Variants in EPHA6 observed in about 807,000 individuals in gnomAD.
EPHA6 encodes the protein EPH receptor A6, also known as ephrin type-A receptor 6.
EPHA6 carries 50 observed loss-of-function variants against 112.0 expected under a neutral mutation model. That is an observed-to-expected ratio of 0.45 (90% CI 0.36 to 0.56). The LOEUF (loss-of-function observed/expected upper bound fraction) is 0.56. EPHA6 is among the 20% of genes least tolerant of loss of function. The pLI is 0.00. For missense variants in EPHA6, 1,280 were observed against 1,417.4 expected, an observed-to-expected ratio of 0.90 and a Z score of 1.56; for synonymous variants, 529 against 490.7, an observed-to-expected ratio of 1.08 and a Z score of -1.03.
chr3:96,949,260 C>CA (rs2041424117), intron 2 of EPHA6, among the ~76,000 whole-genome samples: 1 of 151,596 alleles, frequency 6.6e-6, no homozygotes. Flanking sequence ...ATCTTAAAAA[C>CA]AAAAAATATT....
intron 3 of EPHA6, among the ~76,000 whole-genome samples, chr3:97,087,621 C>A (rs1277978693): frequency 2.0e-5 from 3 of 152,090 alleles, no homozygotes; most frequent in Non-Finnish European, 4.4e-5. Context: ...TAATGTAGAG[C>A]AAATTTCTAC....
chr3:97,082,849 A>G (rs1380627929), intron 3 of EPHA6, among the ~76,000 whole-genome samples: 1 of 151,968 alleles, frequency 6.6e-6, no homozygotes, highest in Admixed American at 6.6e-5. Flanking sequence ...AGTATTGACC[A>G]ACATTTTTCT....
intron 5 of EPHA6, among the ~76,000 whole-genome samples, chr3:97,360,462 T>G (rs1184325882): frequency 6.6e-6 from 1 of 152,220 alleles, no homozygotes; most frequent in Non-Finnish European, 1.5e-5. Flanking sequence ...TGAATATTAA[T>G]TTTAAAATTT....
intron 3 of EPHA6, among the ~76,000 whole-genome samples, chr3:97,217,263 G>A (rs1367223861): frequency 6.6e-6 from 1 of 152,154 alleles, no homozygotes; most frequent in Non-Finnish European, 1.5e-5. Context: ...GAGAGGTGCA[G>A]AGGTTCTCTG....
intron 3 of EPHA6, among the ~76,000 whole-genome samples, chr3:97,122,822 GTATGTGTATAAAA>G: frequency 6.6e-6 from 1 of 152,010 alleles, no homozygotes; most frequent in South Asian, 2.1e-4. Flanking sequence ...ATATAAACAT[GTATGTGTATAAAA>G]TATATGTATG....
intron 3 of EPHA6, among the ~76,000 whole-genome samples, chr3:97,186,420 G>A (rs2077138608): frequency 6.6e-6 from 1 of 152,086 alleles, no homozygotes; most frequent in African/African-American, 2.4e-5. Context: ...CCATGTACCA[G>A]TATCCAAACT....
At chr3:97,627,157 T>C (rs1341235841) in intron 13 of EPHA6, among the ~76,000 whole-genome samples, 4 of 151,912 alleles carry the variant, frequency 2.6e-5, no homozygotes, top group Non-Finnish European at 5.9e-5. Context: ...AAACAGCTGA[T>C]AAATCATTTA....
intron 14 of EPHA6, among the ~76,000 whole-genome samples, chr3:97,638,704 C>T (rs1458164591): frequency 6.6e-6 from 1 of 152,102 alleles, no homozygotes; most frequent in Non-Finnish European, 1.5e-5. Context: ...CTGTCCTAAA[C>T]CAATTCATTT....
In EPHA6 at chr3:97,003,653, C is replaced by A. The variant is rs376213224; in HGVS notation, c.1114+15660C>A. Reference sequence around the variant, plus strand: ...TTAAAAATGATTTGCTTTCCTATTTCTTTTTTTCTTTATTTCTTCTTCAAA... The same window carrying A: ...TTAAAAATGATTTGCTTTCCTATTTATTTTTTTCTTTATTTCTTCTTCAAA... On this transcript the variant is annotated intron_variant, in intron 3 of 17. Coordinates refer to ENST00000389672, the MANE Select transcript of EPHA6 (RefSeq NM_001080448.3). Among the ~76,000 whole-genome samples, 11 of 152,170 alleles carry A rather than the reference C, an allele frequency of 7.2e-5. No individual in the cohort carries two copies. The East Asian group carries it at 2.1e-3, about 29-fold the overall frequency.
At chr3:97,273,285 TG>T (rs2079954302) in intron 5 of EPHA6, among the ~76,000 whole-genome samples, 1 of 152,184 alleles carries the variant, frequency 6.6e-6, no homozygotes, top group Non-Finnish European at 1.5e-5. Context: ...AGTGGCAGTT[TG>T]GGGATGGCAC....
At chr3:97,632,806 T>C (rs1411452973) in intron 13 of EPHA6, among the ~76,000 whole-genome samples, 1 of 152,086 alleles carries the variant, frequency 6.6e-6, no homozygotes, top group African/African-American at 2.4e-5. Flanking sequence ...GTCTTTGTAT[T>C]CATGACTAAG....
chr3:97,159,882 G>A (rs952026571), intron 3 of EPHA6, among the ~76,000 whole-genome samples: 9 of 152,276 alleles, frequency 5.9e-5, no homozygotes, highest in Admixed American at 5.2e-4. Context: ...TGTATCTACG[G>A]TGTGTTATTC....
intron 3 of EPHA6, among the ~76,000 whole-genome samples, chr3:96,999,980 A>T (rs2043579435): frequency 6.6e-6 from 1 of 151,896 alleles, no homozygotes; most frequent in Non-Finnish European, 1.5e-5. Context: ...CCAGCTCTCA[A>T]CCCAGCTAAT....
intron 3 of EPHA6, among the ~76,000 whole-genome samples, chr3:97,034,233 A>G (rs1376452780): frequency 1.3e-5 from 2 of 151,936 alleles, no homozygotes; most frequent in African/African-American, 2.4e-5. Context: ...TTTGGATTAT[A>G]GTTTCATGTT....
intron 3 of EPHA6, among the ~76,000 whole-genome samples, chr3:97,171,285 T>C (rs1322178796): frequency 6.6e-6 from 1 of 152,176 alleles, no homozygotes; most frequent in Non-Finnish European, 1.5e-5. Context: ...AGGAATTAAC[T>C]ACTATCTAAT....
intron 10 of EPHA6, among the ~76,000 whole-genome samples, chr3:97,519,220 C>A (rs1370928952): frequency 6.6e-6 from 1 of 152,078 alleles, no homozygotes; most frequent in Non-Finnish European, 1.5e-5. Context: ...ATATGGATGT[C>A]CGATTTTTAC....
chr3:97,597,899 A>G (rs2107381636), intron 12 of EPHA6, among the ~76,000 whole-genome samples: 1 of 152,320 alleles, frequency 6.6e-6, no homozygotes, highest in African/African-American at 2.4e-5. Flanking sequence ...TGATGCATAT[A>G]GAGGACTGTA....
intron 5 of EPHA6, among the ~76,000 whole-genome samples, chr3:97,387,157 A>G (rs1416115943): frequency 6.6e-6 from 1 of 152,166 alleles, no homozygotes; most frequent in Non-Finnish European, 1.5e-5. Flanking sequence ...CATTTTCCCC[A>G]TTGTCTTGAC....
At chr3:97,539,562 C>G (rs2092819615) in intron 11 of EPHA6, among the ~76,000 whole-genome samples, 1 of 152,178 alleles carries the variant, frequency 6.6e-6, no homozygotes, top group Non-Finnish European at 1.5e-5. Context: ...GTCCACCATT[C>G]TTCTTGAATC....
Sources: gnomAD v4.1 joint callset for allele counts (sites outside exome capture counted in the v4.1 genomes callset) on GRCh38, gnomAD v4.1.1 for gene constraint, MANE v1.5 for transcripts, NCBI Gene and HGNC (gene_info 2026-07-23, HGNC 2026-07-21) for gene names.